Variants in GPM6A observed in about 807,000 individuals in gnomAD.
The protein encoded by GPM6A is glycoprotein M6A.
GPM6A carries 7 observed loss-of-function variants against 32.1 expected under a neutral mutation model. The ratio of observed to expected loss-of-function variants is 0.22; its 90% CI spans 0.12 to 0.41. The LOEUF (loss-of-function observed/expected upper bound fraction) is 0.41, where lower values mean the gene tolerates loss of function less well. Ranked by LOEUF, GPM6A falls within the 10% of genes least tolerant of loss-of-function variation. GPM6A has a pLI of 1.00. For missense variants in GPM6A, 235 were observed against 347.2 expected, an observed-to-expected ratio of 0.68 and a Z score of 2.57; for synonymous variants, 130 against 123.4, an observed-to-expected ratio of 1.05 and a Z score of -0.35.
intron 1 of GPM6A, among the ~76,000 whole-genome samples, chr4:175,777,075 G>C (rs569264428): frequency 2.6e-5 from 4 of 152,260 alleles, no homozygotes; most frequent in African/African-American, 9.6e-5. Context: ...TAATTATTAA[G>C]GATGCATGTG....
intron 1 of GPM6A, among the ~76,000 whole-genome samples, chr4:175,769,595 C>A (rs1052279375): frequency 4.1e-5 from 6 of 146,190 alleles, no homozygotes; most frequent in Admixed American, 1.3e-4. Flanking sequence ...GCTTAGGAAC[C>A]CAGGGTTGTA....
intron 1 of GPM6A, among the ~76,000 whole-genome samples, chr4:175,889,641 G>A (rs1358700122): frequency 1.3e-5 from 2 of 151,988 alleles, no homozygotes; most frequent in Non-Finnish European, 2.9e-5. Context: ...GTGAAACCCC[G>A]TCTCTACTAA....
chr4:175,950,042 A>T (rs1209254988), intron 1 of GPM6A, among the ~76,000 whole-genome samples: 1 of 152,204 alleles, frequency 6.6e-6, no homozygotes, highest in Non-Finnish European at 1.5e-5. Flanking sequence ...TAAAGTAAGG[A>T]CACCCTCAAA....
In GPM6A at chr4:175,636,009, G is replaced by T. The variant is rs534762046; in HGVS notation, c.685-952C>A. Among the ~76,000 whole-genome samples the T allele has an allele frequency of 3.5e-3, 526 of 151,942 alleles. 5 individuals carry two copies. Among genetic ancestry groups the T allele is most frequent in the South Asian group, 0.028 (133 of 4,814 alleles). ...AAAAGTACAGATGGATATAAAGAAT[G>T]CAATGTCAATTCTAAATAATGAATA... On this transcript the variant is annotated intron_variant, in intron 6 of 6. Transcript: ENST00000393658.
At chr4:175,928,841 C>T (rs1290510358) in intron 1 of GPM6A, among the ~76,000 whole-genome samples, 2 of 152,294 alleles carry the variant, frequency 1.3e-5, no homozygotes, top group East Asian at 3.9e-4. Context: ...TTATCATAGA[C>T]ATTTCTACTT....
chr4:175,710,627 C>T (rs1003870129), intron 1 of GPM6A, among the ~76,000 whole-genome samples: 16 of 152,072 alleles, frequency 1.1e-4, no homozygotes, highest in Admixed American at 9.2e-4. Flanking sequence ...TTGAGTTTTT[C>T]GGTTTCTGAA....
chr4:176,002,192 G>A lies in GPM6A; in HGVS notation c.-23+117C>T. ...GGGGCGGGGGACGCCAGGCGCGGGG[G>A]GAACAGAGCTGGGAAGGACGCAGTC... On this transcript the variant is annotated intron_variant, in intron 1 of 7. Transcript: ENST00000280187. 4.4e-6 allele frequency: 5 copies of A among 1,144,934 alleles called. 1 individual carries two copies. In the South Asian group the frequency reaches 6.6e-5, roughly 15 times the overall value. 70.9% of individuals were successfully genotyped at this position (1,144,934 alleles called of 1,614,324 possible).
chr4:175,723,821 C>T (rs1435271382), intron 1 of GPM6A, among the ~76,000 whole-genome samples: 2 of 151,962 alleles, frequency 1.3e-5, no homozygotes, highest in Admixed American at 6.6e-5. Context: ...GATACATTAA[C>T]CCCATAACTG....
intron 1 of GPM6A, among the ~76,000 whole-genome samples, chr4:175,753,954 T>C (rs765913409): frequency 6.6e-6 from 1 of 152,116 alleles, no homozygotes; most frequent in Non-Finnish European, 1.5e-5. Context: ...AGGTCCAATC[T>C]TCATAAAGGG....
chr4:175,710,792 G>A (rs1745484732), intron 1 of GPM6A, among the ~76,000 whole-genome samples: 1 of 152,128 alleles, frequency 6.6e-6, no homozygotes, highest in African/African-American at 2.4e-5. Flanking sequence ...TTATTGTTCT[G>A]TAATTTTTTG....
upstream of GPM6A, chr4:176,002,358 A>G: frequency 6.3e-7 from 1 of 1,575,292 alleles, no homozygotes; most frequent in Non-Finnish European, 8.6e-7. Flanking sequence ...AGAGCGAGTG[A>G]CCAGACGCTG....
intron 1 of GPM6A, among the ~76,000 whole-genome samples, chr4:175,901,423 C>T (rs943715179): frequency 2.6e-5 from 4 of 151,638 alleles, no homozygotes; most frequent in African/African-American, 9.7e-5. Flanking sequence ...CATACACCTA[C>T]TATGTACTCA....
At position 175,758,220 on chromosome 4, in the gene GPM6A, C is replaced by T. The variant is rs147509735; in HGVS notation, c.37+53971G>A. ...TTTGTATTACTTATTTTAAAACATA[C>T]AACACAGGGCTGGGACAAAAAAATG... On this transcript the variant is annotated intron_variant, in intron 1 of 6. Coordinates refer to ENST00000393658, the MANE Select transcript of GPM6A (RefSeq NM_201591.3). 4.3e-3 allele frequency among the ~76,000 whole-genome samples: 652 copies of T among 152,190 alleles called. 3 individuals carry two copies. The highest frequency in any genetic ancestry group is 6.9e-3 in the Non-Finnish European group (469 of 67,986).
chr4:175,787,934 C>T (rs73871216), intron 1 of GPM6A: 34,346 of 152,120 alleles, frequency 0.23, 4,218 homozygotes, highest in Admixed American at 0.29. Flanking sequence ...CTCATGAAGA[C>T]GAAAAAAGTC....
chr4:175,682,871 G>A (rs576724106), intron 2 of GPM6A, among the ~76,000 whole-genome samples: 16 of 152,140 alleles, frequency 1.1e-4, no homozygotes, highest in African/African-American at 3.9e-4. Context: ...AAGAGTGGAG[G>A]CCTCACAAGA....
intron 1 of GPM6A, chr4:175,960,838 A>T (rs1008336644): frequency 6.6e-6 from 1 of 152,222 alleles, no homozygotes; most frequent in African/African-American, 2.4e-5. Flanking sequence ...ATCCCACAAC[A>T]TGCCACATCA....
chr4:175,752,330 A>G (rs1191707212), intron 1 of GPM6A, among the ~76,000 whole-genome samples: 2 of 152,216 alleles, frequency 1.3e-5, no homozygotes, highest in Non-Finnish European at 2.9e-5. Context: ...GTTATAATCT[A>G]AGCCTGCTGG....
At chr4:175,996,921 A>G (rs781620130) in intron 1 of GPM6A, among the ~76,000 whole-genome samples, 4 of 151,968 alleles carry the variant, frequency 2.6e-5, no homozygotes, top group Admixed American at 6.6e-5. Context: ...TTCTGATGCT[A>G]GATCATAAGA....
In GPM6A at chr4:175,939,330, C is replaced by T. The variant is rs182093541; in HGVS notation, c.-23+62979G>A. On this transcript the variant is annotated intron_variant, in intron 1 of 7. Coordinates refer to the GPM6A transcript ENST00000280187. Reference sequence around the variant, plus strand: ...CAAATCTTTGTCTACAGTTTCATTCCTGGAGTATTTAGAACTGTGAATAAT... The same window carrying T: ...CAAATCTTTGTCTACAGTTTCATTCTTGGAGTATTTAGAACTGTGAATAAT... Among the ~76,000 whole-genome samples the T allele has an allele frequency of 3.0e-3, 450 of 152,272 alleles. 6 individuals are homozygous for T. The highest frequency in any genetic ancestry group is 3.2e-3 in the Non-Finnish European group (219 of 68,018).
Sources: allele counts gnomAD v4.1 joint callset (sites outside exome capture counted in the v4.1 genomes callset), GRCh38; gene constraint gnomAD v4.1.1; transcripts MANE v1.5; gene names NCBI Gene and HGNC (gene_info 2026-07-23, HGNC 2026-07-21).